REST: variants seen among roughly 807,000 people sequenced by gnomAD.
The protein encoded by REST is RE1 silencing transcription factor.
Under a neutral mutation model 30.4 loss-of-function variants are expected in REST, and 1 was observed. That is an observed-to-expected ratio of 0.03 (90% CI 0.01 to 0.16). The LOEUF (loss-of-function observed/expected upper bound fraction) is 0.16, where lower values mean the gene tolerates loss of function less well. Ranked by LOEUF, REST falls within the 10% of genes least tolerant of loss-of-function variation. The pLI is 1.00. For missense variants in REST, 1,259 were observed against 1,329.5 expected, an observed-to-expected ratio of 0.95 and a Z score of 0.82; for synonymous variants, 504 against 451.1, an observed-to-expected ratio of 1.12 and a Z score of -1.49.
intron 2 of REST, among the ~76,000 whole-genome samples, chr4:56,916,140 C>G (rs1278221318): frequency 6.6e-6 from 1 of 151,494 alleles, no homozygotes; most frequent in African/African-American, 2.4e-5. Context: ...TCAGCAATCT[C>G]GACTCACTGC....
intron 2 of REST, among the ~76,000 whole-genome samples, chr4:56,918,965 CCATG>C (rs1223018831): frequency 6.6e-6 from 1 of 151,430 alleles, no homozygotes; most frequent in African/African-American, 2.4e-5. Flanking sequence ...GCCACAATCC[CCATG>C]CTCAGCCCAG....
At chr4:56,921,953 G>C (rs1720469792) in intron 3 of REST, among the ~76,000 whole-genome samples, 1 of 152,148 alleles carries the variant, frequency 6.6e-6, no homozygotes, top group African/African-American at 2.4e-5. Context: ...TTGCTGCCAT[G>C]AGTTAGTAAC....
At chr4:56,928,470 C>T (rs544266945) in intron 3 of REST, among the ~76,000 whole-genome samples, 27 of 151,832 alleles carry the variant, frequency 1.8e-4, no homozygotes, top group African/African-American at 6.3e-4. Flanking sequence ...GGTTGGAGTA[C>T]AGTAACACAT....
At position 56,930,127 on chromosome 4, in the gene REST, A is replaced by G. The variant is rs1445264379; in HGVS notation, c.1269A>G (p.Ser423=). Residue 423 remains serine (S), a synonymous_variant, in exon 4 of 4, where the codon TCA becomes TCG. Transcript: ENST00000309042. The part of the protein sequence containing the change: ...PTCPNKTMDV[S]KVKLKKTKKR... ...GTCCTAATAAAACAATGGATGTCTC[A>G]AAAGTGAAACTAAAGAAAACCAAAA... The G allele has an allele frequency of 2.5e-6, 4 of 1,613,698 alleles. No homozygotes were observed. The East Asian group carries it at 8.9e-5, about 36-fold the overall frequency.
At chr4:56,915,242 T>TA (rs1720141118) in intron 2 of REST, among the ~76,000 whole-genome samples, 1 of 45,834 alleles carries the variant, frequency 2.2e-5, no homozygotes, top group South Asian at 6.2e-4. Flanking sequence ...GTGTGTGTAT[T>TA]TTTTTTTTTT....
At chr4:56,927,605 A>C in intron 3 of REST, 1 of 1,124,050 alleles carries the variant, frequency 8.9e-7, no homozygotes, top group Non-Finnish European at 1.1e-6. Flanking sequence ...TATGCATTCC[A>C]TTGGACCAGT....
chr4:56,930,772 G>C lies in REST; in HGVS notation c.1914G>C (p.Gln638His), dbSNP rs1245071756. ...VEPPPPMEHA[Q>H]MEGAQIRPAP... ...CGCCACCTCCCATGGAGCATGCTCAGATGGAGGGTGCCCAGATACGGCCTG... is the reference window on the plus strand; with the variant it reads ...CGCCACCTCCCATGGAGCATGCTCACATGGAGGGTGCCCAGATACGGCCTG... The change falls in exon 4 of 4, where the codon CAG becomes CAC. Residue 638 changes from glutamine to histidine, a missense_variant. By Grantham distance (24) the Gln-to-His change is conservative. Transcript: ENST00000309042. 6.2e-7 allele frequency: 1 copy of C among 1,605,544 alleles called. No homozygotes were observed. The highest frequency in any genetic ancestry group is 8.5e-7 in the Non-Finnish European group (1 of 1,176,614).
chr4:56,930,804 A>G lies in REST; in HGVS notation c.1946A>G (p.Asp649Gly), dbSNP rs113122612. ...MEGAQIRPAP[D>G]EPVQMEVVQE... ...GGTGCCCAGATACGGCCTGCTCCTG[A>G]CGAGCCTGTTCAGATGGAGGTGGTT... The change falls in exon 4 of 4, where the codon GAC becomes GGC. Residue 649 changes from aspartate (D) to glycine (G), a missense_variant. Transcript: ENST00000309042. The G allele has an allele frequency of 9.4e-4, 1,512 of 1,606,638 alleles. 13 individuals carry two copies. In the African/African-American group the frequency reaches 0.018, roughly 20 times the overall value.
chr4:56,927,710 G>A, intron 3 of REST: 1 of 974,162 alleles, frequency 1.0e-6, no homozygotes, highest in Non-Finnish European at 1.4e-6. Context: ...TTTAATTTGG[G>A]GGTGGGGGTT....
At chr4:56,918,586 T>G (rs761042203) in intron 2 of REST, among the ~76,000 whole-genome samples, 1 of 152,148 alleles carries the variant, frequency 6.6e-6, no homozygotes, top group African/African-American at 2.4e-5. Flanking sequence ...AGAGACAGGC[T>G]CTCTCTCTGT....
Position 56,931,579 on chromosome 4 carries a change from T to C in REST, c.2721T>C (p.Pro907=), listed in dbSNP as rs1224700074. The stretch of plus-strand genomic sequence containing the variant: ...CAGAAGAGGCAGATGAGAGCCTACC[T>C]GGTCTTGCTGCTAATATCAACGAAT... ...VGAEEADESL[P]GLAANINEST... The change falls in exon 4 of 4, where the codon CCT becomes CCC. Residue 907 remains proline, a synonymous_variant. Transcript: ENST00000309042. The C allele has an allele frequency of 4.6e-5, 74 of 1,614,248 alleles. No homozygotes were observed. Among genetic ancestry groups the C allele is most frequent in the Non-Finnish European group, 6.3e-5 (74 of 1,180,036 alleles).
chr4:56,909,582 T>G (rs185288241), intron 1 of REST: 9 of 152,410 alleles, frequency 5.9e-5, no homozygotes, highest in Non-Finnish European at 8.8e-5. Context: ...CTTCCAACTT[T>G]TGTTGGTACG....
chr4:56,921,085 C>T (rs1257647642), intron 3 of REST, among the ~76,000 whole-genome samples: 3 of 151,930 alleles, frequency 2.0e-5, no homozygotes, highest in Admixed American at 6.6e-5. Context: ...AGGCTGGTCT[C>T]GAACTCCTGA....
chr4:56,925,422 G>A (rs1162508869), intron 3 of REST, among the ~76,000 whole-genome samples: 1 of 152,194 alleles, frequency 6.6e-6, no homozygotes, highest in East Asian at 1.9e-4. Flanking sequence ...AGGTTGCCCA[G>A]ACTGGTCTCA....
At chr4:56,914,867 C>T (rs1005033205) in intron 2 of REST, among the ~76,000 whole-genome samples, 13 of 133,276 alleles carry the variant, frequency 9.8e-5, no homozygotes, top group Non-Finnish European at 2.0e-4. Context: ...TTTATTTGGT[C>T]TTAATGCTTA....
intron 2 of REST, among the ~76,000 whole-genome samples, chr4:56,915,806 T>A (rs182520025): frequency 1.3e-5 from 2 of 152,338 alleles, no homozygotes; most frequent in Admixed American, 1.3e-4. Context: ...ATTGTGTTTC[T>A]TGTGCCCTTC....
rs776304738 is a variant in REST, at chr4:56,930,021, A to G, written c.1163A>G (p.Gln388Arg). 3 of 1,614,246 alleles carry G rather than the reference A, an allele frequency of 1.9e-6. No homozygotes were observed. The highest frequency in any genetic ancestry group is 1.7e-6 in the Non-Finnish European group (2 of 1,180,044). The part of the protein sequence containing the change: ...KHVELHVNPR[Q>R]FNCPVCDYAA... Reference sequence around the variant, plus strand: ...GTAGAGCTACATGTGAACCCACGGCAGTTCAATTGCCCTGTATGTGACTAT... The same window carrying G: ...GTAGAGCTACATGTGAACCCACGGCGGTTCAATTGCCCTGTATGTGACTAT... Residue 388 changes from glutamine to arginine, a missense_variant, in exon 4 of 4, where the codon CAG becomes CGG. Around this residue, in one of 5 missense-constraint regions of REST, gnomAD observed 125 missense variants for 255.4 expected, o/e 0.49. Transcript: ENST00000309042.
In REST at chr4:56,927,276, T is replaced by C. The variant is rs976415443; in HGVS notation, c.983-2565T>C. Among the ~76,000 whole-genome samples the C allele has an allele frequency of 2.0e-5, 3 of 152,324 alleles. No individual in the cohort carries two copies. In the East Asian group the frequency reaches 5.8e-4, roughly 29 times the overall value. Reference sequence around the variant, plus strand: ...CATTCTATGTCCACGTATGTTAAAATGTTTGTCTCCATTTAAATCATTCAC... The same window carrying C: ...CATTCTATGTCCACGTATGTTAAAACGTTTGTCTCCATTTAAATCATTCAC... On this transcript the variant is annotated intron_variant, in intron 3 of 3. Transcript: ENST00000309042.
chr4:56,922,088 G>T (rs770228543), intron 3 of REST, among the ~76,000 whole-genome samples: 5 of 151,986 alleles, frequency 3.3e-5, no homozygotes, highest in Non-Finnish European at 7.4e-5. Flanking sequence ...AATGTACTTT[G>T]AGTGTTTTTT....
Sources: gnomAD v4.1 joint callset for allele counts (sites outside exome capture counted in the v4.1 genomes callset) on GRCh38, gnomAD v4.1.1 for gene constraint, gnomAD v4.1.1 regional missense constraint, MANE v1.5 for transcripts, NCBI Gene and HGNC (gene_info 2026-07-23, HGNC 2026-07-21) for gene names.